Variants in GRIA1 observed in about 807,000 individuals in gnomAD.
GRIA1 encodes glutamate ionotropic receptor AMPA type subunit 1.
A neutral mutation model predicts 99.2 loss-of-function variants in GRIA1; 31 were observed. That is an observed-to-expected ratio of 0.31 (90% CI 0.23 to 0.42). The LOEUF is 0.42. GRIA1 is among the 10% of genes least tolerant of loss of function. The pLI, the probability that GRIA1 is intolerant of heterozygous loss-of-function variation, is 1.00. For synonymous variants in GRIA1, 438 were observed against 432.4 expected, an observed-to-expected ratio of 1.01 and a Z score of -0.16; for missense variants, 782 against 1,157.5, an observed-to-expected ratio of 0.68 and a Z score of 4.71.
At chr5:153,568,370 C>T (rs1761834527) in intron 2 of GRIA1, among the ~76,000 whole-genome samples, 1 of 152,196 alleles carries the variant, frequency 6.6e-6, no homozygotes, top group South Asian at 2.1e-4. Context: ...TCAGGCCCAC[C>T]TCAAACCTAC....
At chr5:153,774,065 A>ACC (rs1200579843) in intron 13 of GRIA1, among the ~76,000 whole-genome samples, 5 of 54,894 alleles carry the variant, frequency 9.1e-5, no homozygotes, top group Admixed American at 2.1e-4. Context: ...CTACACCCCA[A>ACC]CCCCCCCTCC....
intron 11 of GRIA1, among the ~76,000 whole-genome samples, chr5:153,745,273 C>T (rs1762069830): frequency 6.8e-6 from 1 of 146,840 alleles, no homozygotes; most frequent in African/African-American, 2.5e-5. Context: ...TGTATGCCTC[C>T]CATCAAGTTA....
chr5:153,522,320 A>G (rs371040082), intron 2 of GRIA1, among the ~76,000 whole-genome samples: 28 of 152,328 alleles, frequency 1.8e-4, no homozygotes, highest in African/African-American at 6.7e-4. Context: ...GTTATTATTG[A>G]TATTTAAAAT....
chr5:153,760,600 CCAAAG>C (rs1763117591), intron 11 of GRIA1, among the ~76,000 whole-genome samples: 1 of 151,978 alleles, frequency 6.6e-6, no homozygotes, highest in African/African-American at 2.4e-5. Flanking sequence ...TCCATATCAC[CCAAAG>C]CAATCTACAG....
At chr5:153,654,956 A>G (rs1363154437) in intron 4 of GRIA1, among the ~76,000 whole-genome samples, 1 of 152,174 alleles carries the variant, frequency 6.6e-6, no homozygotes, top group African/African-American at 2.4e-5. Context: ...CTTTCCACAA[A>G]TATTTTTTCT....
chr5:153,588,961 C>A (rs563576690), intron 2 of GRIA1, among the ~76,000 whole-genome samples: 1 of 151,868 alleles, frequency 6.6e-6, no homozygotes, highest in East Asian at 1.9e-4. Flanking sequence ...ATAAACATTC[C>A]TTGGATGGAT....
chr5:153,769,962 C>A (rs1366245052), intron 12 of GRIA1, among the ~76,000 whole-genome samples: 2 of 152,070 alleles, frequency 1.3e-5, no homozygotes, highest in Non-Finnish European at 2.9e-5. Flanking sequence ...CTATTCTGTT[C>A]ATTCTGAATT....
intron 2 of GRIA1, among the ~76,000 whole-genome samples, chr5:153,617,939 TCAC>T (rs1472757232): frequency 6.6e-6 from 1 of 152,208 alleles, no homozygotes; most frequent in Non-Finnish European, 1.5e-5. Flanking sequence ...CTGATTTGGC[TCAC>T]TATTTCTTCA....
Position 153,810,956 on chromosome 5 carries a change from G to A in GRIA1, c.2521-69G>A, listed in dbSNP as rs1766771678. 14 of 1,094,918 alleles carry A rather than the reference G, an allele frequency of 1.3e-5. 1 individual carries two copies. The South Asian group carries it at 1.8e-4, about 14-fold the overall frequency. The allele number at this position is 1,094,918 out of a possible 1,614,324, so 67.8% of individuals were successfully genotyped here. A position where few individuals can be genotyped will look rare whatever the true frequency, so the allele number is the denominator to read the frequency against. On this transcript the variant is annotated intron_variant, in intron 15 of 15. Coordinates refer to ENST00000285900, the MANE Select transcript of GRIA1 (RefSeq NM_000827.4). ...GAGTTGGATTTACATTTGAAGTCCA[G>A]TCTTGACTCATTCCCATTGCCTGTC...
chr5:153,745,580 ACT>A (rs1762093727), intron 11 of GRIA1, among the ~76,000 whole-genome samples: 1 of 140,912 alleles, frequency 7.1e-6, no homozygotes, highest in African/African-American at 2.7e-5. Context: ...CAAAAGCAAA[ACT>A]CTGTCTCAAA....
intron 2 of GRIA1, among the ~76,000 whole-genome samples, chr5:153,561,783 G>A (rs1561643482): frequency 6.6e-6 from 1 of 152,162 alleles, no homozygotes; most frequent in Non-Finnish European, 1.5e-5. Flanking sequence ...AGAGGTATAT[G>A]CAAAGTGCTA....
intron 13 of GRIA1, among the ~76,000 whole-genome samples, chr5:153,775,753 CAA>C (rs34171571): frequency 1.6e-4 from 19 of 118,444 alleles, no homozygotes; most frequent in Middle Eastern, 4.4e-3. Context: ...CAGAAACACT[CAA>C]AAAAAAAAAA....
chr5:153,676,086 T>C (rs753833839), intron 6 of GRIA1, among the ~76,000 whole-genome samples: 38 of 152,166 alleles, frequency 2.5e-4, no homozygotes, highest in Admixed American at 1.1e-3. Context: ...CTTGATCTCC[T>C]GACCTTGTGA....
chr5:153,609,298 A>G (rs1765749774), intron 2 of GRIA1, among the ~76,000 whole-genome samples: 1 of 152,162 alleles, frequency 6.6e-6, no homozygotes, highest in Non-Finnish European at 1.5e-5. Context: ...ATCTTCAAGT[A>G]GATTTGTAAA....
chr5:153,607,068 T>TATATATATATATATATATATATATA (rs1491415058), intron 2 of GRIA1, among the ~76,000 whole-genome samples: 1 of 140,448 alleles, frequency 7.1e-6, no homozygotes, highest in Non-Finnish European at 1.6e-5. Flanking sequence ...TATATATATA[T>TATATATATATATATATATATATATA]AATCACAGTT....
At chr5:153,610,577 G>A (rs954771380) in intron 2 of GRIA1, among the ~76,000 whole-genome samples, 1 of 152,138 alleles carries the variant, frequency 6.6e-6, no homozygotes, top group Admixed American at 6.5e-5. Flanking sequence ...CTGCCTTTAG[G>A]GCTTCCCCTA....
chr5:153,639,211 G>C (rs1170735941), intron 2 of GRIA1, among the ~76,000 whole-genome samples: 2 of 152,200 alleles, frequency 1.3e-5, no homozygotes, highest in East Asian at 3.8e-4. Flanking sequence ...GAAAGGTCTT[G>C]TGAGACCAGC....
At chr5:153,564,061 G>A (rs1015018177) in intron 2 of GRIA1, among the ~76,000 whole-genome samples, 1 of 152,180 alleles carries the variant, frequency 6.6e-6, no homozygotes, top group Non-Finnish European at 1.5e-5. Context: ...TGAAATCAAG[G>A]TGTGACCTCT....
At chr5:153,536,245 T>A (rs558326885) in intron 2 of GRIA1, among the ~76,000 whole-genome samples, 10 of 152,280 alleles carry the variant, frequency 6.6e-5, no homozygotes, top group East Asian at 1.9e-4. Context: ...AGCAATGCTC[T>A]CCGTTTTTTT....
Sources: gnomAD v4.1 joint callset for allele counts (sites outside exome capture counted in the v4.1 genomes callset) on GRCh38, gnomAD v4.1.1 for gene constraint, MANE v1.5 for transcripts, NCBI Gene and HGNC (gene_info 2026-07-23, HGNC 2026-07-21) for gene names.